Variants in MPHOSPH6 observed in about 807,000 individuals in gnomAD.
MPHOSPH6 encodes M-phase phosphoprotein 6.
A neutral mutation model predicts 21.8 loss-of-function variants in MPHOSPH6; 25 were observed. The ratio of observed to expected loss-of-function variants is 1.15; its 90% CI spans 0.83 to 1.60. The LOEUF (loss-of-function observed/expected upper bound fraction) is 1.60. Ranked by LOEUF, MPHOSPH6 falls within the 40% of genes most tolerant of loss-of-function variation. MPHOSPH6 has a pLI of 0.00. For missense variants in MPHOSPH6, 269 were observed against 181.8 expected, an observed-to-expected ratio of 1.48 and a Z score of -2.76; for synonymous variants, 84 against 56.5, an observed-to-expected ratio of 1.49 and a Z score of -2.18.
rs1906153334 is a variant in MPHOSPH6, at chr16:82,148,508, G to C, written c.*223C>G. ...AGCAGCCCTGTAACAATGTACATTTGTAGATCAGGGGCTAAAAATCCACTC... is the reference window on the plus strand; with the variant it reads ...AGCAGCCCTGTAACAATGTACATTTCTAGATCAGGGGCTAAAAATCCACTC... On this transcript the variant is annotated 3_prime_UTR_variant, in exon 5 of 5. Coordinates refer to ENST00000258169, the MANE Select transcript of MPHOSPH6 (RefSeq NM_005792.2). 8.5e-6 allele frequency: 4 copies of C among 471,752 alleles called. No homozygotes were observed. Among genetic ancestry groups the C allele is most frequent in the Non-Finnish European group, 1.4e-5 (4 of 282,500 alleles). 29.2% of individuals were successfully genotyped at this position (471,752 alleles called of 1,614,324 possible).
At chr16:82,160,602 T>C (rs1906577406) in intron 2 of MPHOSPH6, among the ~76,000 whole-genome samples, 2 of 152,212 alleles carry the variant, frequency 1.3e-5, no homozygotes, top group Non-Finnish European at 2.9e-5. Flanking sequence ...AGTCTGCTTG[T>C]GGTCCGTTAT....
In MPHOSPH6 at chr16:82,164,063, T is replaced by C; in HGVS notation, c.164+19A>G. 6.6e-7 allele frequency: 1 copy of C among 1,525,264 alleles called. No individual in the cohort carries two copies. The highest frequency in any genetic ancestry group is 1.4e-5 in the African/African-American group (1 of 72,974). 94.5% of individuals were successfully genotyped at this position (1,525,264 alleles called of 1,614,324 possible). A position where few individuals can be genotyped will look rare whatever the true frequency, so the allele number is the denominator to read the frequency against. The stretch of plus-strand genomic sequence containing the variant: ...CTGAATGCCACAAGCATCATCAGTA[T>C]CAATTTTAATAAACCTACTCTTTCT... On this transcript the variant is annotated intron_variant, in intron 2 of 4. Coordinates refer to ENST00000258169, the MANE Select transcript of MPHOSPH6 (RefSeq NM_005792.2).
rs759762498 is a variant in MPHOSPH6, at chr16:82,170,158, C to G, written c.18G>C (p.Lys6Asn). 34 of 1,595,324 alleles carry G rather than the reference C, an allele frequency of 2.1e-5. No individual in the cohort carries two copies. The highest frequency in any genetic ancestry group is 2.6e-5 in the Non-Finnish European group (31 of 1,171,282). The change falls in exon 1 of 5, where the codon AAG becomes AAC. Residue 6 changes from lysine to asparagine, a missense_variant. Transcript: ENST00000258169. ...GCAGTAGATTCTTGGACAACCTTGTCTTTCGCTCGGCCGCCATGGTAGCTT... is the reference window on the plus strand; with the variant it reads ...GCAGTAGATTCTTGGACAACCTTGTGTTTCGCTCGGCCGCCATGGTAGCTT... MAAER[K>N]TRLSKNLLRM...
At chr16:82,158,474 G>A (rs1441202085) in intron 2 of MPHOSPH6, among the ~76,000 whole-genome samples, 2 of 137,200 alleles carry the variant, frequency 1.5e-5, no homozygotes, top group African/African-American at 2.7e-5. Context: ...ACTCCAGCCT[G>A]GGTGACAGAG....
rs771293477 is a variant in MPHOSPH6, at chr16:82,164,101, G to A, written c.145C>T (p.Pro49Ser). 1.9e-6 allele frequency: 3 copies of A among 1,611,542 alleles called. No homozygotes were observed. The highest frequency in any genetic ancestry group is 1.7e-5 in the Admixed American group (1 of 59,920). ...ACCTACTCTTTCTCTTTAAGCTCTG[G>A]CAAATCCAAGTACCAGTGCTCTTCA... The part of the protein sequence containing the change: ...ISEEHWYLDL[P>S]ELKEKESFII... The change falls in exon 2 of 5, where the codon CCA (proline) becomes TCA (serine). Residue 49 changes from proline (P) to serine (S), a missense_variant. Transcript: ENST00000258169.
chr16:82,155,221 G>A (rs889623171), intron 2 of MPHOSPH6, among the ~76,000 whole-genome samples: 9 of 152,226 alleles, frequency 5.9e-5, no homozygotes, highest in African/African-American at 2.2e-4. Context: ...GACGAAAACA[G>A]CACTTCATGT....
intron 2 of MPHOSPH6, among the ~76,000 whole-genome samples, chr16:82,155,119 ATTAT>A (rs2142408072): frequency 6.6e-6 from 1 of 152,354 alleles, no homozygotes; most frequent in South Asian, 2.1e-4. Context: ...CTCATAAGAA[ATTAT>A]TTGACAAAAT....
At chr16:82,152,899 C>G (rs571706900) in intron 2 of MPHOSPH6, among the ~76,000 whole-genome samples, 4 of 152,294 alleles carry the variant, frequency 2.6e-5, no homozygotes, top group Non-Finnish European at 4.4e-5. Context: ...CATAAAGATT[C>G]CCTTATGCAA....
intron 2 of MPHOSPH6, among the ~76,000 whole-genome samples, chr16:82,158,199 T>A (rs973098494): frequency 2.0e-5 from 3 of 151,926 alleles, no homozygotes; most frequent in Non-Finnish European, 1.5e-5. Context: ...ATATATAAGA[T>A]ACTTCTTAGC....
chr16:82,156,402 T>C (rs1463875218), intron 2 of MPHOSPH6, among the ~76,000 whole-genome samples: 2 of 152,016 alleles, frequency 1.3e-5, no homozygotes, highest in African/African-American at 4.8e-5. Flanking sequence ...TGAACAAATA[T>C]GTGATATAAA....
rs115353035 is a variant in MPHOSPH6, at chr16:82,167,910, C to G, written c.51+2215G>C. Among the ~76,000 whole-genome samples the G allele has an allele frequency of 3.3e-3, 496 of 152,286 alleles. 2 individuals are homozygous for G. The highest frequency in any genetic ancestry group is 0.011 in the African/African-American group (467 of 41,572). ...GGTTGGGGACCCATGCTATATAGGA[C>G]TTAGCTCTGGTTAAGGCACCCTAAG... On this transcript the variant is annotated intron_variant, in intron 1 of 4. Coordinates refer to ENST00000258169, the MANE Select transcript of MPHOSPH6 (RefSeq NM_005792.2).
intron 2 of MPHOSPH6, among the ~76,000 whole-genome samples, chr16:82,161,130 G>A (rs1906593818): frequency 1.3e-5 from 2 of 152,070 alleles, no homozygotes; most frequent in South Asian, 2.1e-4. Flanking sequence ...CCAGTTCTTC[G>A]GTATTCATTT....
At chr16:82,148,982 T>A in intron 4 of MPHOSPH6, 119 bp from the exon 5 acceptor site, 2 of 1,266,332 alleles carry the variant, frequency 1.6e-6, no homozygotes, top group Non-Finnish European at 2.2e-6. Context: ...AAACTATCAT[T>A]AAAAGAAACC....
At chr16:82,155,466 G>A (rs1023381928) in intron 2 of MPHOSPH6, among the ~76,000 whole-genome samples, 3 of 152,154 alleles carry the variant, frequency 2.0e-5, no homozygotes, top group African/African-American at 4.8e-5. Context: ...TACAGAATAC[G>A]AAGTCAACGT....
chr16:82,149,400 A>G lies in MPHOSPH6; in HGVS notation c.259T>C (p.Leu87=), dbSNP rs760056643. 15 of 1,611,446 alleles carry G rather than the reference A, an allele frequency of 9.3e-6. No individual in the cohort carries two copies. The highest frequency in any genetic ancestry group is 8.9e-5 in the East Asian group (4 of 44,896). Reference sequence around the variant, plus strand: ...TGCTTAGCATTCATCTGAAGCATCAATTTCTGAAAAATACACCAGTGCTGA... The same window carrying G: ...TGCTTAGCATTCATCTGAAGCATCAGTTTCTGAAAAATACACCAGTGCTGA... ...FRGFNPEVEK[L]MLQMNAKHKA... is the part of the protein sequence containing the mutation. The change falls in exon 4 of 5, where the codon TTG becomes CTG. Residue 87 remains leucine (L), a synonymous_variant. Transcript: ENST00000258169.
In MPHOSPH6 at chr16:82,164,140, T is replaced by TTTC. The variant is rs747826988; in HGVS notation, c.103_105dup (p.Glu35dup). ...CAGTGCTCTTCACTAATGATTTTCT[T>TTTC]TTCTTCTTCTTCTAGTTGTTTCTTG... On this transcript the variant is annotated inframe_insertion, in exon 2 of 5. Coordinates refer to ENST00000258169, the MANE Select transcript of MPHOSPH6 (RefSeq NM_005792.2). The TTTC allele has an allele frequency of 5.0e-6, 8 of 1,612,678 alleles. No homozygotes were observed. The highest frequency in any genetic ancestry group is 3.3e-5 in the South Asian group (3 of 91,068).
intron 1 of MPHOSPH6, among the ~76,000 whole-genome samples, chr16:82,166,886 C>T (rs1397717922): frequency 2.0e-5 from 3 of 152,104 alleles, no homozygotes; most frequent in Non-Finnish European, 4.4e-5. Context: ...GACAGAACTC[C>T]CTGTGAATAT....
intron 2 of MPHOSPH6, 138 bp from the exon 3 acceptor site, chr16:82,151,652 G>A (rs1338440920): frequency 2.4e-6 from 3 of 1,240,790 alleles, no homozygotes; most frequent in Admixed American, 3.7e-5. Flanking sequence ...TCTAACTTAG[G>A]GTTAAAAATA....
rs1180577838 is a variant in MPHOSPH6, at chr16:82,170,180, G to C, written c.-5C>G. ...TGTCTTTCGCTCGGCCGCCATGGTAGCTTCCGCCCAGCGCCGCACTCCGGC... is the reference window on the plus strand; with the variant it reads ...TGTCTTTCGCTCGGCCGCCATGGTACCTTCCGCCCAGCGCCGCACTCCGGC... On this transcript the variant is annotated 5_prime_UTR_variant, in exon 1 of 5. Coordinates refer to ENST00000258169, the MANE Select transcript of MPHOSPH6 (RefSeq NM_005792.2). 9 of 1,587,030 alleles carry C rather than the reference G, an allele frequency of 5.7e-6. No homozygotes were observed. The highest frequency in any genetic ancestry group is 4.5e-5 in the South Asian group (4 of 88,242).
Sources: gnomAD v4.1 joint callset for allele counts (sites outside exome capture counted in the v4.1 genomes callset) on GRCh38, gnomAD v4.1.1 for gene constraint, MANE v1.5 for transcripts, NCBI Gene and HGNC (gene_info 2026-07-23, HGNC 2026-07-21) for gene names.